Variants in FAT1 observed in about 807,000 individuals in gnomAD.
The protein encoded by FAT1 is FAT atypical cadherin 1, also known as protocadherin Fat 1.
FAT1 carries 171 observed loss-of-function variants against 329.8 expected under a neutral mutation model. The ratio of observed to expected loss-of-function variants is 0.52; its 90% CI spans 0.46 to 0.59. The LOEUF is 0.59. Ranked by LOEUF, FAT1 falls within the 20% of genes least tolerant of loss-of-function variation. The pLI, the probability that FAT1 is intolerant of heterozygous loss-of-function variation, is 0.00. For missense variants in FAT1, 5,672 were observed against 5,774.4 expected (o/e 0.98, Z 0.57); for synonymous variants, 2,233 against 2,228.6 (o/e 1.00, Z -0.06).
chr4:186,663,621 G>A lies in FAT1; in HGVS notation c.3266-8C>T. 1.3e-6 allele frequency: 2 copies of A among 1,584,216 alleles called. No homozygotes were observed. Among genetic ancestry groups the A allele is most frequent in the South Asian group, 1.1e-5 (1 of 89,174 alleles). ...CTGACGTCTCTATGACACCTACAGA[G>A]AAAAAAGAAAAGCGTAAAGCAGCAC... On this transcript the variant is annotated splice_polypyrimidine_tract_variant and splice_region_variant and intron_variant, in intron 2 of 26. Coordinates refer to ENST00000441802, the MANE Select transcript of FAT1 (RefSeq NM_005245.4).
chr4:186,699,288 T>C (rs990871309), intron 2 of FAT1, among the ~76,000 whole-genome samples: 3 of 151,756 alleles, frequency 2.0e-5, no homozygotes, highest in Non-Finnish European at 4.4e-5. Flanking sequence ...AAAAAACCAA[T>C]TGATTTAAAA....
In FAT1 at chr4:186,595,735, T is replaced by G; in HGVS notation, c.13092A>C (p.Glu4364Asp). 1 of 1,613,996 alleles carries G rather than the reference T, an allele frequency of 6.2e-7. No homozygotes were observed. Among genetic ancestry groups the G allele is most frequent in the Non-Finnish European group, 8.5e-7 (1 of 1,179,882 alleles). ...QPYSARESLSEVQSLSSFQSE... is the reference protein window; with the variant it reads ...QPYSARESLSDVQSLSSFQSE... ...ACTGGAAGGAGCTCAGAGACTGCAC[T>G]TCAGACAGGCTTTCCCGGGCACTGT... Residue 4364 changes from glutamate (E) to aspartate (D), a missense_variant, in exon 26 of 27, where the codon GAA becomes GAC. Glu to Asp is a conservative substitution (Grantham distance 45, BLOSUM62 2). Transcript: ENST00000441802.
chr4:186,599,771 CACTG>C, intron 22 of FAT1, 123 bp downstream of exon 22: 1 of 742,284 alleles, frequency 1.3e-6, no homozygotes, highest in Non-Finnish European at 2.2e-6. Flanking sequence ...TCGCTTCCAA[CACTG>C]ACTGCAGTGT....
intron 3 of FAT1, among the ~76,000 whole-genome samples, chr4:186,648,754 T>C (rs1001487956): frequency 2.0e-5 from 3 of 152,086 alleles, no homozygotes; most frequent in Admixed American, 6.5e-5. Flanking sequence ...GGGGTGTGAA[T>C]GCCAACCCCC....
At chr4:186,712,571 T>C (rs890798419) in intron 1 of FAT1, among the ~76,000 whole-genome samples, 4 of 151,886 alleles carry the variant, frequency 2.6e-5, no homozygotes, top group African/African-American at 9.7e-5. Context: ...GTAAACAGAG[T>C]ATATCCGATG....
At chr4:186,724,562 G>T (rs2126729242), upstream of FAT1, among the ~76,000 whole-genome samples, 1 of 152,288 alleles carries the variant, frequency 6.6e-6, no homozygotes. The surrounding 1 kb of genome is among the most constrained non-coding windows in gnomAD (Gnocchi z 5.3). Context: ...CGGCCCCAGG[G>T]GCCCCAAAGC....
chr4:186,605,216 GAAAA>G (rs34790170), intron 17 of FAT1, among the ~76,000 whole-genome samples: 8 of 67,488 alleles, frequency 1.2e-4, no homozygotes, highest in East Asian at 4.1e-4. Flanking sequence ...CTCCATCTCA[GAAAA>G]AAAAAAAAAA....
chr4:186,634,966 A>G (rs1740760247), intron 6 of FAT1, among the ~76,000 whole-genome samples: 6 of 152,266 alleles, frequency 3.9e-5, no homozygotes, highest in Admixed American at 3.9e-4. Context: ...CAGAAAGCAA[A>G]CAAACGGTTT....
chr4:186,605,014 T>C (rs553711589), intron 17 of FAT1, among the ~76,000 whole-genome samples: 1 of 150,234 alleles, frequency 6.7e-6, no homozygotes, highest in African/African-American at 2.4e-5. Context: ...AGGTCAGGAG[T>C]TCGAGACCAG....
Position 186,626,960 on chromosome 4 carries a change from G to A in FAT1, c.4810+1194C>T, listed in dbSNP as rs328435. Reference sequence around the variant, plus strand: ...AGAATGAATGAATGAATGAATGAATGAGGGACCAACATGGCACCTGGCACA... The same window carrying A: ...AGAATGAATGAATGAATGAATGAATAAGGGACCAACATGGCACCTGGCACA... On this transcript the variant is annotated intron_variant, in intron 9 of 26. Coordinates refer to ENST00000441802, the MANE Select transcript of FAT1 (RefSeq NM_005245.4). Among the ~76,000 whole-genome samples the A allele has an allele frequency of 1.3e-3, 126 of 98,120 alleles. 5 individuals carry two copies. The highest frequency in any genetic ancestry group is 5.7e-3 in the African/African-American group (111 of 19,462). The allele number at this position is 98,120 out of a possible 152,430, so 64.4% of individuals were successfully genotyped here. A position where few individuals can be genotyped will look rare whatever the true frequency, so the allele number is the denominator to read the frequency against.
At chr4:186,602,521 C>G (rs997453172) in intron 20 of FAT1, among the ~76,000 whole-genome samples, 1 of 152,170 alleles carries the variant, frequency 6.6e-6, no homozygotes, top group Non-Finnish European at 1.5e-5. Flanking sequence ...TTTAAAGGTA[C>G]TGGCTCGGAA....
chr4:186,636,724 T>C lies in FAT1; in HGVS notation c.3833A>G (p.Asp1278Gly). The change falls in exon 5 of 27, where the codon GAC becomes GGC. Residue 1278 changes from aspartate (D) to glycine (G), a missense_variant. This residue lies in a region of FAT1 where 3,966 missense variants were observed against 3,915.2 expected (regional missense o/e 1.01). Transcript: ENST00000441802. ...REPLYHVIAT[D>G]KDEGPNAEIS... is the part of the protein sequence containing the mutation. ...TTCTGCATTGGGGCCCTCATCCTTGTCGGTGGCTATGACGTGATAGAGCGG... is the reference window on the plus strand; with the variant it reads ...TTCTGCATTGGGGCCCTCATCCTTGCCGGTGGCTATGACGTGATAGAGCGG... 6.2e-7 allele frequency: 1 copy of C among 1,613,914 alleles called. No individual in the cohort carries two copies. Among genetic ancestry groups the C allele is most frequent in the Non-Finnish European group, 8.5e-7 (1 of 1,179,872 alleles).
Position 186,610,011 on chromosome 4 carries a change from G to C in FAT1, c.9858C>G (p.Ala3286=), listed in dbSNP as rs375593676. 1 of 1,602,506 alleles carries C rather than the reference G, an allele frequency of 6.2e-7. No individual in the cohort carries two copies. Among genetic ancestry groups the C allele is most frequent in the Non-Finnish European group, 8.5e-7 (1 of 1,170,244 alleles). The change falls in exon 15 of 27, where the codon GCC becomes GCG. Residue 3286 remains alanine (A), a synonymous_variant. Coordinates refer to ENST00000441802, the MANE Select transcript of FAT1 (RefSeq NM_005245.4). ...AATCCAGATTCTCAATGATAAATAC[G>C]GCCCCTGAATAGAAATCAAAATTAC... ...GKFSIDSKTG[A]VFIIENLDYE... is the part of the protein sequence containing the mutation.
chr4:186,613,416 T>G lies in FAT1; in HGVS notation c.9230-74A>C, dbSNP rs1185839188. 3.5e-6 allele frequency: 4 copies of G among 1,157,812 alleles called. No individual in the cohort carries two copies. In the African/African-American group the frequency reaches 4.5e-5, roughly 13 times the overall value. 71.7% of individuals were successfully genotyped at this position (1,157,812 alleles called of 1,614,324 possible). ...CAGTTGTACATCTTATTTCCTCCCC[T>G]TTTGTCTTTCAATTACTTAGTCTGA... is the stretch of plus-strand genomic sequence containing the variant. On this transcript the variant is annotated intron_variant, in intron 12 of 26. Transcript: ENST00000441802.
chr4:186,692,307 A>ATTTT (rs1323160731), intron 2 of FAT1, among the ~76,000 whole-genome samples: 6 of 146,738 alleles, frequency 4.1e-5, no homozygotes, highest in African/African-American at 1.6e-4. Context: ...ATCTTAGGTT[A>ATTTT]TTTATTTATT....
chr4:186,594,356 C>G (rs559183170), intron 26 of FAT1, among the ~76,000 whole-genome samples: 45 of 151,948 alleles, frequency 3.0e-4, no homozygotes, highest in Non-Finnish European at 5.4e-4. Context: ...CCACTGCGCC[C>G]GGCCACCTGG....
chr4:186,714,204 C>T (rs1013979833), intron 1 of FAT1, among the ~76,000 whole-genome samples: 11 of 151,940 alleles, frequency 7.2e-5, no homozygotes, highest in East Asian at 3.9e-4. Flanking sequence ...ACAGGTGGAG[C>T]GCGTGTGGGC....
At position 186,603,588 on chromosome 4, in the gene FAT1, G is replaced by A. The variant is rs1248333072; in HGVS notation, c.10938C>T (p.Arg3646=). The A allele has an allele frequency of 1.2e-6, 2 of 1,614,018 alleles. No homozygotes were observed. Among genetic ancestry groups the A allele is most frequent in the Non-Finnish European group, 1.7e-6 (2 of 1,179,908 alleles). Residue 3646 remains arginine (R), a synonymous_variant, in exon 19 of 27, where the codon CGC becomes CGT. Transcript: ENST00000441802. ...ATTCTTCCGGAGTGAGGTTGGCAAA[G>A]CGGATCGCGATGGTGTGGTTCAACA... ...QEMLNHTIAI[R]FANLTPEEFV...
In FAT1 at chr4:186,617,708, C is replaced by T. The variant is rs62350420; in HGVS notation, c.8878G>A (p.Gly2960Arg). 3 of 1,540,132 alleles carry T rather than the reference C, an allele frequency of 1.9e-6. No homozygotes were observed. The highest frequency in any genetic ancestry group is 2.1e-5 in the Admixed American group (1 of 46,954). Residue 2960 changes from glycine (G) to arginine (R), a missense_variant and splice_region_variant, in exon 10 of 27, where the codon GGA (glycine) becomes AGA (arginine). Gly to Arg is a moderately radical substitution (Grantham distance 125, BLOSUM62 -2). This residue lies in a region of FAT1 where 3,966 missense variants were observed against 3,915.2 expected (regional missense o/e 1.01). Transcript: ENST00000441802. ...INRQVTYFIT[G>R]GDPLGQFAVE... ...ACCGTTTGGTATGAATTTTTTTTAC[C>T]TGTTATGAAATATGTAACTTGTCTG...
Sources: gnomAD v4.1 joint callset for allele counts (sites outside exome capture counted in the v4.1 genomes callset) on GRCh38, gnomAD v4.1.1 for gene constraint, gnomAD v4.1.1 regional missense constraint, Gnocchi (gnomAD v3.1) non-coding constraint, MANE v1.5 for transcripts, NCBI Gene and HGNC (gene_info 2026-07-23, HGNC 2026-07-21) for gene names.